RALGPS2: variants seen among roughly 807,000 people sequenced by gnomAD.
RALGPS2 encodes the protein ras-specific guanine nucleotide-releasing factor RalGPS2.
RALGPS2 carries 43 observed loss-of-function variants against 86.8 expected under a neutral mutation model. That is an observed-to-expected ratio of 0.50 (90% CI 0.39 to 0.64). The LOEUF (loss-of-function observed/expected upper bound fraction) is 0.64, where lower values mean the gene tolerates loss of function less well. Ranked by LOEUF, RALGPS2 falls within the 30% of genes least tolerant of loss-of-function variation. The pLI is 0.00. For synonymous variants in RALGPS2, 243 were observed against 231.3 expected (o/e 1.05, Z -0.46); for missense variants, 536 against 694.6 (o/e 0.77, Z 2.57).
rs111714499 is a variant in RALGPS2 at position 178,824,528 on chromosome 1, G to T, written c.480+2824G>T. Among the ~76,000 whole-genome samples, 194 of 152,244 alleles carry T rather than the reference G, an allele frequency of 1.3e-3. 2 individuals carry two copies. Among genetic ancestry groups the T allele is most frequent in the African/African-American group, 4.3e-3 (178 of 41,550 alleles). Reference sequence around the variant, plus strand: ...AGTAAGAGTTTATCCATTTTACGCCGGGTGCAGTGGTGGCTCATGCCTGTA... The same window carrying T: ...AGTAAGAGTTTATCCATTTTACGCCTGGTGCAGTGGTGGCTCATGCCTGTA... On this transcript the variant is annotated intron_variant, in intron 7 of 19. Coordinates refer to ENST00000367635, the MANE Select transcript of RALGPS2 (RefSeq NM_152663.5).
chr1:178,732,015 TAGG>T (rs982326024), intron 1 of RALGPS2, among the ~76,000 whole-genome samples: 2 of 152,010 alleles, frequency 1.3e-5, no homozygotes, highest in African/African-American at 4.8e-5. Context: ...ACTATAGAAA[TAGG>T]AGAGAAGACA....
At chr1:178,813,398 T>C (rs749442783) in intron 6 of RALGPS2, among the ~76,000 whole-genome samples, 6 of 152,196 alleles carry the variant, frequency 3.9e-5, no homozygotes, top group Non-Finnish European at 7.4e-5. Context: ...TTAACTTCAG[T>C]TCAGACTTTG....
rs370823279 is a variant in RALGPS2 at position 178,799,173 on chromosome 1, T to G, written c.214-8872T>G. ...TCCTGCCTCAGACTCCTGAGTAGCT[T>G]GGATTACAGGCACATGCCACCATGC... On this transcript the variant is annotated intron_variant, in intron 4 of 19. Transcript: ENST00000367635. Among the ~76,000 whole-genome samples the G allele has an allele frequency of 1.2e-4, 19 of 152,182 alleles. No individual in the cohort carries two copies. The East Asian group carries it at 2.5e-3, about 20-fold the overall frequency.
chr1:178,885,850 A>G (rs1289636999), intron 12 of RALGPS2, 119 bp from the exon 13 acceptor site: 5 of 873,250 alleles, frequency 5.7e-6, no homozygotes, highest in African/African-American at 1.8e-5. Flanking sequence ...TGAGGCTTTT[A>G]TGGTAAGATC....
intron 2 of RALGPS2, among the ~76,000 whole-genome samples, chr1:178,777,133 G>A (rs1425315706): frequency 8.0e-6 from 1 of 124,558 alleles, no homozygotes; most frequent in African/African-American, 3.2e-5. Flanking sequence ...CCCAGAGTGT[G>A]GTATTCCCCT....
At chr1:178,912,030 CTTTT>C (rs1660649577) in intron 19 of RALGPS2, among the ~76,000 whole-genome samples, 1 of 152,038 alleles carries the variant, frequency 6.6e-6, no homozygotes, top group Non-Finnish European at 1.5e-5. Flanking sequence ...AACCTTTGTT[CTTTT>C]TTGTTTTCCA....
At chr1:178,838,322 G>A (rs992347040) in intron 8 of RALGPS2, among the ~76,000 whole-genome samples, 12 of 152,190 alleles carry the variant, frequency 7.9e-5, no homozygotes, top group Admixed American at 7.2e-4. Flanking sequence ...CCTCTGAGAC[G>A]AAGCTTCTAG....
chr1:178,877,394 C>G, intron 8 of RALGPS2, 104 bp from the exon 9 acceptor site: 1 of 1,468,812 alleles, frequency 6.8e-7, no homozygotes, highest in Non-Finnish European at 9.1e-7. Context: ...TTAAATGTAG[C>G]GTACAGTGGA....
At chr1:178,845,120 A>T (rs545047944) in intron 8 of RALGPS2, among the ~76,000 whole-genome samples, 43 of 151,424 alleles carry the variant, frequency 2.8e-4, no homozygotes, top group Non-Finnish European at 5.7e-4. Context: ...AAAAAAAACC[A>T]TATTTTTTGA....
At chr1:178,880,145 C>T (rs1052012714) in intron 10 of RALGPS2, among the ~76,000 whole-genome samples, 4 of 152,000 alleles carry the variant, frequency 2.6e-5, no homozygotes, top group South Asian at 2.1e-4. Context: ...AAAAATTTAT[C>T]GAAGTGAAAG....
intron 2 of RALGPS2, among the ~76,000 whole-genome samples, chr1:178,777,771 T>C (rs1459119179): frequency 6.6e-6 from 1 of 152,020 alleles, no homozygotes; most frequent in Non-Finnish European, 1.5e-5. Context: ...TTGACAAACC[T>C]GAGAAAAACA....
intron 19 of RALGPS2, among the ~76,000 whole-genome samples, chr1:178,909,337 A>T (rs1355440140): frequency 6.6e-6 from 1 of 152,150 alleles, no homozygotes; most frequent in Non-Finnish European, 1.5e-5. Flanking sequence ...GTATAGTTTG[A>T]AGTCAGGTAG....
chr1:178,837,674 C>T (rs975900169), intron 8 of RALGPS2, among the ~76,000 whole-genome samples: 3 of 150,396 alleles, frequency 2.0e-5, no homozygotes, highest in South Asian at 4.2e-4. Context: ...TGGGGCTTGT[C>T]GGACAGTGGG....
At position 178,771,623 on chromosome 1, in the gene RALGPS2, TG is replaced by T. The variant is rs1379691270; in HGVS notation, c.-83-5058del. Among the ~76,000 whole-genome samples the T allele has an allele frequency of 3.9e-5, 6 of 152,220 alleles. No homozygotes were observed. In the East Asian group the frequency reaches 7.7e-4, roughly 20 times the overall value. On this transcript the variant is annotated intron_variant, in intron 1 of 19. Coordinates refer to ENST00000367635, the MANE Select transcript of RALGPS2 (RefSeq NM_152663.5). Reference sequence around the variant, plus strand: ...GCAGTCTGTGAGGAAAAACTGTTTTTGTTTTTTTACTTTTTTCTAATTAATG... The same window carrying T: ...GCAGTCTGTGAGGAAAAACTGTTTTTTTTTTTTACTTTTTTCTAATTAATG...
chr1:178,742,942 G>T (rs1269818870), intron 1 of RALGPS2, among the ~76,000 whole-genome samples: 1 of 152,208 alleles, frequency 6.6e-6, no homozygotes, highest in Non-Finnish European at 1.5e-5. Flanking sequence ...GGGGCTGGTT[G>T]TGGTGGCCCA....
At chr1:178,818,493 G>T (rs928239432) in intron 6 of RALGPS2, among the ~76,000 whole-genome samples, 2 of 152,192 alleles carry the variant, frequency 1.3e-5, no homozygotes, top group African/African-American at 4.8e-5. Flanking sequence ...TCTGTACTTT[G>T]TATGGTACAG....
chr1:178,796,029 G>A (rs889039594), intron 4 of RALGPS2, among the ~76,000 whole-genome samples: 18 of 152,118 alleles, frequency 1.2e-4, no homozygotes, highest in Non-Finnish European at 1.6e-4. Context: ...GCGAGTTGCC[G>A]CTGTTTTGTC....
chr1:178,815,596 T>G (rs567922748), intron 6 of RALGPS2, among the ~76,000 whole-genome samples: 15 of 152,320 alleles, frequency 9.8e-5, no homozygotes, highest in African/African-American at 3.6e-4. Flanking sequence ...GTTAACTAGG[T>G]GGCTTGTAAA....
At chr1:178,767,197 A>G (rs946595506) in intron 1 of RALGPS2, among the ~76,000 whole-genome samples, 5 of 152,024 alleles carry the variant, frequency 3.3e-5, no homozygotes, top group Admixed American at 6.6e-5. Flanking sequence ...CATATTCTGA[A>G]TTCTATTTCT....
Sources: gnomAD v4.1 joint callset for allele counts (sites outside exome capture counted in the v4.1 genomes callset) on GRCh38, gnomAD v4.1.1 for gene constraint, MANE v1.5 for transcripts, NCBI Gene and HGNC (gene_info 2026-07-23, HGNC 2026-07-21) for gene names.